ESRRG: variants seen among roughly 807,000 people sequenced by gnomAD.
The protein encoded by ESRRG is estrogen-related receptor gamma.
Under a neutral mutation model 44.0 loss-of-function variants are expected in ESRRG, and 13 were observed. The ratio of observed to expected loss-of-function variants is 0.30; its 90% CI spans 0.19 to 0.47. The LOEUF is 0.47. Ranked by LOEUF, ESRRG falls within the 20% of genes least tolerant of loss-of-function variation. The pLI is 1.00. For missense variants in ESRRG, 395 were observed against 580.6 expected (o/e 0.68, Z 3.29); for synonymous variants, 215 against 214.6 (o/e 1.00, Z -0.02).
intron 3 of ESRRG, among the ~76,000 whole-genome samples, chr1:216,585,825 G>A (rs1195017925): frequency 6.6e-6 from 1 of 152,106 alleles, no homozygotes; most frequent in Non-Finnish European, 1.5e-5. Context: ...CGGATCACGA[G>A]GTCAGGAGAT....
In ESRRG at chr1:217,128,019, G is replaced by A. The variant is rs144265037; in HGVS notation, c.-230+9648C>T. On this transcript the variant is annotated intron_variant, in intron 1 of 8. Transcript: ENST00000366940. ...GTTTTCAGGTGACAGCCACACATGT[G>A]CTCGCTGGCCACGCAAGAGCACTGT... Among the ~76,000 whole-genome samples, 10 of 152,240 alleles carry A rather than the reference G, an allele frequency of 6.6e-5. No homozygotes were observed. In the East Asian group the frequency reaches 1.9e-3, roughly 29 times the overall value.
At chr1:216,709,232 G>A (rs1575594895) in intron 1 of ESRRG, among the ~76,000 whole-genome samples, 1 of 151,836 alleles carries the variant, frequency 6.6e-6, no homozygotes, top group Admixed American at 6.6e-5. Context: ...AAAGAAATCA[G>A]TGTAATGACA....
chr1:216,580,902 C>A (rs2062643913), intron 3 of ESRRG, among the ~76,000 whole-genome samples: 1 of 152,094 alleles, frequency 6.6e-6, no homozygotes, highest in South Asian at 2.1e-4. Context: ...TGACCTTGGC[C>A]AAATGCATTT....
chr1:216,648,991 G>T (rs1025115161), intron 3 of ESRRG, among the ~76,000 whole-genome samples: 1 of 152,050 alleles, frequency 6.6e-6, no homozygotes, highest in Admixed American at 6.6e-5. Flanking sequence ...AATATGTTTT[G>T]TTTGTTACTC....
At chr1:216,722,860 T>C (rs530475884) in intron 1 of ESRRG, among the ~76,000 whole-genome samples, 1 of 152,332 alleles carries the variant, frequency 6.6e-6, no homozygotes, top group South Asian at 2.1e-4. Context: ...CTCAATAGTA[T>C]AAATCATTTT....
intron 3 of ESRRG, among the ~76,000 whole-genome samples, chr1:216,591,905 C>A (rs1489912194): frequency 6.6e-6 from 1 of 152,136 alleles, no homozygotes; most frequent in Non-Finnish European, 1.5e-5. Context: ...ATTTATCGCA[C>A]CACAAAATTC....
chr1:217,007,742 C>T (rs1346814327), intron 1 of ESRRG, among the ~76,000 whole-genome samples: 1 of 152,094 alleles, frequency 6.6e-6, no homozygotes, highest in African/African-American at 2.4e-5. Flanking sequence ...TTCTTCCTCC[C>T]TTCCCTCTTT....
At chr1:216,869,186 T>C (rs1020926104) in intron 2 of ESRRG, among the ~76,000 whole-genome samples, 2 of 152,180 alleles carry the variant, frequency 1.3e-5, no homozygotes, top group African/African-American at 4.8e-5. Context: ...AAACGTTTTA[T>C]AGTTTTATGT....
chr1:216,748,224 C>T (rs549677843), intron 2 of ESRRG, among the ~76,000 whole-genome samples: 1 of 152,134 alleles, frequency 6.6e-6, no homozygotes, highest in African/African-American at 2.4e-5. Flanking sequence ...TTACAAGTAT[C>T]ACACTAGTTA....
intron 1 of ESRRG, among the ~76,000 whole-genome samples, chr1:216,992,694 A>G (rs2075884317): frequency 6.6e-6 from 1 of 152,228 alleles, no homozygotes; most frequent in Non-Finnish European, 1.5e-5. Context: ...TCAAATTCCA[A>G]TATTGGTTTG....
At chr1:216,732,380 G>T (rs945889188) in intron 2 of ESRRG, among the ~76,000 whole-genome samples, 2 of 51,328 alleles carry the variant, frequency 3.9e-5, no homozygotes, top group South Asian at 1.3e-3. Context: ...TGGATTTATT[G>T]ATTTTTTTTT....
chr1:217,106,871 C>T (rs2092603926), intron 1 of ESRRG, among the ~76,000 whole-genome samples: 1 of 152,184 alleles, frequency 6.6e-6, no homozygotes, highest in South Asian at 2.1e-4. Context: ...ACAATAGATT[C>T]TGCCTCTTTT....
intron 2 of ESRRG, among the ~76,000 whole-genome samples, chr1:216,884,211 C>A (rs1190165077): frequency 6.6e-6 from 1 of 152,332 alleles, no homozygotes; most frequent in South Asian, 2.1e-4. Flanking sequence ...ACATAAATCT[C>A]CTGCTTTATG....
intron 2 of ESRRG, among the ~76,000 whole-genome samples, chr1:216,745,810 AT>A (rs2091333454): frequency 6.6e-6 from 1 of 152,214 alleles, no homozygotes; most frequent in Admixed American, 6.5e-5. Context: ...AAATTGTATT[AT>A]GGTGATGTAT....
chr1:217,104,736 A>G (rs2092565286), intron 1 of ESRRG, among the ~76,000 whole-genome samples: 4 of 152,184 alleles, frequency 2.6e-5, no homozygotes, highest in Non-Finnish European at 5.9e-5. Flanking sequence ...AAGTAAAAAG[A>G]GGGGGAAAGA....
chr1:216,988,079 A>G lies in ESRRG; in HGVS notation c.-105-48406T>C, dbSNP rs11572450. Reference sequence around the variant, plus strand: ...TCCCAGATAAACTATATGCCCCTGAATCTTTGTCTTGGAGTCTGTTCCTGC... The same window carrying G: ...TCCCAGATAAACTATATGCCCCTGAGTCTTTGTCTTGGAGTCTGTTCCTGC... On this transcript the variant is annotated intron_variant, in intron 1 of 7. Transcript: ENST00000359162. 3.2e-3 allele frequency among the ~76,000 whole-genome samples: 485 copies of G among 152,186 alleles called. 4 individuals are homozygous for G. Among genetic ancestry groups the G allele is most frequent in the African/African-American group, 0.011 (469 of 41,520 alleles).
At chr1:217,112,282 G>T (rs1409197890) in intron 1 of ESRRG, among the ~76,000 whole-genome samples, 1 of 152,188 alleles carries the variant, frequency 6.6e-6, no homozygotes, top group Non-Finnish European at 1.5e-5. Context: ...TTATCAGAAA[G>T]GGATTCTGTC....
At chr1:216,698,981 CTTTA>C (rs2080850295) in intron 1 of ESRRG, among the ~76,000 whole-genome samples, 1 of 152,286 alleles carries the variant, frequency 6.6e-6, no homozygotes, top group East Asian at 1.9e-4. Context: ...ATGTTGTGAA[CTTTA>C]TTCATTCATC....
At chr1:216,987,750 C>A (rs926465018) in intron 1 of ESRRG, among the ~76,000 whole-genome samples, 4 of 152,134 alleles carry the variant, frequency 2.6e-5, no homozygotes, top group Admixed American at 6.6e-5. Flanking sequence ...TCTGCCATCA[C>A]CTAAAACTTT....
Sources: gnomAD v4.1 joint callset for allele counts (sites outside exome capture counted in the v4.1 genomes callset) on GRCh38, gnomAD v4.1.1 for gene constraint, MANE v1.5 for transcripts, NCBI Gene and HGNC (gene_info 2026-07-23, HGNC 2026-07-21) for gene names.